SLC5A5: variants seen among roughly 807,000 people sequenced by gnomAD.
SLC5A5 encodes the protein solute carrier family 5 member 5.
In SLC5A5, 56 loss-of-function variants were observed where a neutral mutation model predicts 68.6. The observed-to-expected ratio is 0.82, with a 90% CI of 0.66 to 1.02. SLC5A5 has a LOEUF of 1.02. Among genes scored for constraint, SLC5A5 ranks in the 50% least tolerant of loss-of-function variants. The probability of loss-of-function intolerance (pLI) is 0.00; values close to 1 mark genes in which losing one functional copy is unlikely to be tolerated. For missense variants in SLC5A5, 807 were observed against 859.8 expected (o/e 0.94, Z 0.77); for synonymous variants, 398 against 373.0 (o/e 1.07, Z -0.77).
chr19:17,879,648 T>A (rs2094316023), intron 7 of SLC5A5, among the ~76,000 whole-genome samples: 1 of 152,078 alleles, frequency 6.6e-6, no homozygotes, highest in African/African-American at 2.4e-5. Context: ...TAGCAGAGGG[T>A]ACGGGGGACC....
intron 12 of SLC5A5, among the ~76,000 whole-genome samples, chr19:17,886,610 T>C (rs1395079186): frequency 1.3e-5 from 2 of 152,142 alleles, no homozygotes; most frequent in Non-Finnish European, 2.9e-5. Context: ...GCCCGGCCTA[T>C]GTTTAACTTT....
Position 17,894,144 on chromosome 19 carries a change from T to A in SLC5A5, c.*267T>A. ...ATAAGGCTGGGTTTTTCTCTCTCTC[T>A]TTTTTTTTTTTTTTTTTTTTTGAGA... is the stretch of plus-strand genomic sequence containing the variant. On this transcript the variant is annotated 3_prime_UTR_variant, in exon 15 of 15. Transcript: ENST00000222248. 2 of 116,086 alleles carry A rather than the reference T, an allele frequency of 1.7e-5. No homozygotes were observed. The highest frequency in any genetic ancestry group is 1.6e-5 in the Non-Finnish European group (1 of 61,436). 7.2% of individuals were successfully genotyped at this position (116,086 alleles called of 1,614,324 possible).
intron 12 of SLC5A5, among the ~76,000 whole-genome samples, chr19:17,884,613 A>G (rs2094329164): frequency 6.6e-6 from 1 of 151,428 alleles, no homozygotes; most frequent in Non-Finnish European, 1.5e-5. Flanking sequence ...TCTCTACTAA[A>G]AATACAAAAC....
In SLC5A5 at chr19:17,880,927, G is replaced by C; in HGVS notation, c.1032G>C (p.Leu344=). Residue 344 remains leucine (L), a synonymous_variant, in exon 8 of 15, where the codon CTG becomes CTC. Transcript: ENST00000222248. Reference sequence around the variant, plus strand: ...TGCCTGGAGTCCCCGGGCTTTTCCTGGCCTGTGCTTACAGTGGCACCCTCA... The same window carrying C: ...TGCCTGGAGTCCCCGGGCTTTTCCTCGCCTGTGCTTACAGTGGCACCCTCA... The part of the protein sequence containing the change: ...EDLPGVPGLF[L]ACAYSGTLST... 1 of 1,613,954 alleles carries C rather than the reference G, an allele frequency of 6.2e-7. No homozygotes were observed. Among genetic ancestry groups the C allele is most frequent in the Non-Finnish European group, 8.5e-7 (1 of 1,179,940 alleles).
chr19:17,892,068 T>C (rs78193855), intron 14 of SLC5A5, among the ~76,000 whole-genome samples: 11,147 of 149,034 alleles, frequency 0.075, 1,104 homozygotes, highest in African/African-American at 0.23. Flanking sequence ...GAGGTTGAGG[T>C]GGATCGCTTG....
At chr19:17,892,150 C>T (rs1039025125) in intron 14 of SLC5A5, among the ~76,000 whole-genome samples, 7 of 152,030 alleles carry the variant, frequency 4.6e-5, no homozygotes, top group South Asian at 4.2e-4. Context: ...AAAAATTAGC[C>T]GGGCATGGTG....
chr19:17,873,111 C>G (rs2094298396), intron 1 of SLC5A5, among the ~76,000 whole-genome samples: 1 of 152,252 alleles, frequency 6.6e-6, no homozygotes, highest in Admixed American at 6.5e-5. Flanking sequence ...GGTTTCCCAG[C>G]TGTCCAATGG....
chr19:17,890,827 C>T (rs1396685166), intron 13 of SLC5A5, 59 bp from the exon 14 acceptor site: 2 of 1,195,438 alleles, frequency 1.7e-6, no homozygotes, highest in Non-Finnish European at 2.5e-6. Flanking sequence ...ACCTGGTCTC[C>T]AACCCCCATG....
chr19:17,881,416 G>A (rs1035209111), intron 8 of SLC5A5, among the ~76,000 whole-genome samples: 3 of 152,144 alleles, frequency 2.0e-5, no homozygotes, highest in South Asian at 2.1e-4. Flanking sequence ...ACAGGTCCAC[G>A]CCACCACAGC....
chr19:17,892,652 CAGAGAGAGAGAGAGAGAGAGAG>C (rs58081153), intron 14 of SLC5A5, among the ~76,000 whole-genome samples: 3 of 97,338 alleles, frequency 3.1e-5, no homozygotes, highest in African/African-American at 1.1e-4. Context: ...AAAGAAAAGA[CAGAGAGAGAGAGAGAGAGAGAG>C]AGAGAGAGAG....
chr19:17,888,617 T>TATTATTATTATC (rs912486670), intron 13 of SLC5A5, among the ~76,000 whole-genome samples, 162 bp downstream of exon 13: 8 of 131,486 alleles, frequency 6.1e-5, no homozygotes, highest in Non-Finnish European at 9.5e-5. Flanking sequence ...TTATTATTAT[T>TATTATTATTATC]ATCATCATCA....
Position 17,890,879 on chromosome 19 carries a change from C to T in SLC5A5, c.1652-7C>T. ...CCTGGATTTCTCCATTTCTCCCCGC[C>T]TCTCAGGCCCCACCAAGCGCAGCAC... On this transcript the variant is annotated splice_region_variant and splice_polypyrimidine_tract_variant and intron_variant, in intron 13 of 14. Coordinates refer to ENST00000222248, the MANE Select transcript of SLC5A5 (RefSeq NM_000453.3). The T allele has an allele frequency of 1.9e-6, 3 of 1,604,954 alleles. No homozygotes were observed. Among genetic ancestry groups the T allele is most frequent in the Non-Finnish European group, 2.6e-6 (3 of 1,172,048 alleles).
rs765540598 is a variant in SLC5A5, at chr19:17,872,674, G to A, written c.355G>A (p.Glu119Lys). 3 of 1,578,180 alleles carry A rather than the reference G, an allele frequency of 1.9e-6. No individual in the cohort carries two copies. Among genetic ancestry groups the A allele is most frequent in the South Asian group, 1.1e-5 (1 of 90,484 alleles). ...CCGCCTGGGCCTCACCAGCACCTAC[G>A]AGGTACCGGACAGAGGCCCGGGGGT... ...FYRLGLTSTY[E>K]YLEMRFSRAV... The change falls in exon 1 of 15, where the codon GAG becomes AAG. Residue 119 changes from glutamate to lysine, a missense_variant and splice_region_variant. Coordinates refer to ENST00000222248, the MANE Select transcript of SLC5A5 (RefSeq NM_000453.3).
intron 13 of SLC5A5, among the ~76,000 whole-genome samples, chr19:17,889,450 A>AAG (rs1348584094): frequency 8.2e-6 from 1 of 121,436 alleles, no homozygotes; most frequent in African/African-American, 5.3e-5. Context: ...AGGAAAGAGA[A>AAG]AGAGAGAGAG....
At chr19:17,874,252 C>T (rs781770002) in intron 2 of SLC5A5, 49 bp downstream of exon 2, 4 of 1,325,352 alleles carry the variant, frequency 3.0e-6, no homozygotes, top group Non-Finnish European at 4.3e-6. Flanking sequence ...AGAGCGTCAG[C>T]CTTCACTAGC....
intron 14 of SLC5A5, among the ~76,000 whole-genome samples, chr19:17,892,652 C>CAGACAGAGAG (rs1285348546): frequency 1.0e-5 from 1 of 97,338 alleles, no homozygotes; most frequent in Non-Finnish European, 2.1e-5. Context: ...AAAGAAAAGA[C>CAGACAGAGAG]AGAGAGAGAG....
chr19:17,882,126 C>T lies in SLC5A5; in HGVS notation c.1172-23C>T, dbSNP rs202092223. ...GCCAGGGCAGTCCCTCCCCGTTGAC[C>T]GTGCCATCCTCATCCACTACAGCAC... is the stretch of plus-strand genomic sequence containing the variant. On this transcript the variant is annotated intron_variant, in intron 9 of 14. Transcript: ENST00000222248. The T allele has an allele frequency of 1.4e-3, 2,276 of 1,613,344 alleles. 5 individuals carry two copies. Among genetic ancestry groups the T allele is most frequent in the Admixed American group, 1.8e-3 (110 of 59,996 alleles).
At position 17,876,050 on chromosome 19, in the gene SLC5A5, C is replaced by A. The variant is rs542969706; in HGVS notation, c.642C>A (p.Gly214=). Residue 214 remains glycine (G), a synonymous_variant, in exon 5 of 15, where the codon GGC becomes GGA. Transcript: ENST00000222248. ...VVLARGVMLV[G]GPRQVLTLAQ... ...TGGCACGCGGTGTCATGCTTGTGGG[C>A]GGGCCCCGCCAGGTGCTCACGCTGG... 1.4e-5 allele frequency: 22 copies of A among 1,614,152 alleles called. No homozygotes were observed. The highest frequency in any genetic ancestry group is 1.8e-5 in the Non-Finnish European group (21 of 1,180,020).
intron 5 of SLC5A5, among the ~76,000 whole-genome samples, chr19:17,876,643 CAT>C (rs1224539372): frequency 1.3e-5 from 2 of 152,122 alleles, no homozygotes; most frequent in Non-Finnish European, 2.9e-5. Flanking sequence ...GATGGCAGAT[CAT>C]GAGGTCAAGA....
Sources: gnomAD v4.1 joint callset for allele counts (sites outside exome capture counted in the v4.1 genomes callset) on GRCh38, gnomAD v4.1.1 for gene constraint, MANE v1.5 for transcripts, NCBI Gene and HGNC (gene_info 2026-07-23, HGNC 2026-07-21) for gene names.